FAM78B: variants seen among roughly 807,000 people sequenced by gnomAD.
FAM78B encodes the protein family with sequence similarity 78 member B, also known as protein FAM78B.
FAM78B carries 10 observed loss-of-function variants against 20.0 expected under a neutral mutation model. That is an observed-to-expected ratio of 0.50 (90% CI 0.31 to 0.85). The LOEUF (loss-of-function observed/expected upper bound fraction) is 0.85. Ranked by LOEUF, FAM78B falls within the 40% of genes least tolerant of loss-of-function variation. FAM78B has a pLI of 0.05. For synonymous variants in FAM78B, 135 were observed against 132.8 expected, an observed-to-expected ratio of 1.02 and a Z score of -0.12; for missense variants, 283 against 345.0, an observed-to-expected ratio of 0.82 and a Z score of 1.42.
At position 166,103,982 on chromosome 1, in the gene FAM78B, A is replaced by G. The variant is rs528313911; in HGVS notation, c.264-33219T>C. 7.9e-5 allele frequency among the ~76,000 whole-genome samples: 12 copies of G among 152,282 alleles called. No individual in the cohort carries two copies. In the South Asian group the frequency reaches 1.9e-3, roughly 24 times the overall value. Reference sequence around the variant, plus strand: ...AAATACTGGCAAACCGAATCCAGCAACACATCCAAAAGCTTATCCACCATG... The same window carrying G: ...AAATACTGGCAAACCGAATCCAGCAGCACATCCAAAAGCTTATCCACCATG... On this transcript the variant is annotated intron_variant, in intron 1 of 1. Coordinates refer to ENST00000354422, the MANE Select transcript of FAM78B (RefSeq NM_001017961.5).
intron 1 of FAM78B, among the ~76,000 whole-genome samples, chr1:166,142,207 G>A (rs1428003884): frequency 6.6e-6 from 1 of 152,176 alleles, no homozygotes; most frequent in Non-Finnish European, 1.5e-5. Flanking sequence ...TTGGGGAGTG[G>A]AGGGTTAGAC....
intron 1 of FAM78B, among the ~76,000 whole-genome samples, chr1:166,131,394 G>A (rs1446333378): frequency 6.6e-6 from 1 of 152,134 alleles, no homozygotes; most frequent in Non-Finnish European, 1.5e-5. Flanking sequence ...GCCCATCCCA[G>A]TACACCAGGC....
At chr1:166,078,959 TCTCA>T (rs961142384) in intron 1 of FAM78B, among the ~76,000 whole-genome samples, 10 of 143,032 alleles carry the variant, frequency 7.0e-5, no homozygotes, top group Non-Finnish European at 1.5e-4. Context: ...AGAGATGGGG[TCTCA>T]CTCTGTCACC....
At chr1:166,164,668 A>C (rs990573269) in intron 1 of FAM78B, 1 of 152,222 alleles carries the variant, frequency 6.6e-6, no homozygotes, top group African/African-American at 2.4e-5. Flanking sequence ...AGCGCCTATG[A>C]CTAGTGTTAA....
At chr1:166,057,057 T>C (rs1390588289), downstream of FAM78B, among the ~76,000 whole-genome samples, 1 of 152,172 alleles carries the variant, frequency 6.6e-6, no homozygotes, top group Non-Finnish European at 1.5e-5. Context: ...TGCCAGAGCC[T>C]TGATCGTGGA....
chr1:166,064,355 T>C (rs4376716), downstream of FAM78B, among the ~76,000 whole-genome samples: 152,248 of 152,256 alleles, frequency 1, 76,120 homozygotes, highest in Middle Eastern at 1. Flanking sequence ...TATTTTCCTC[T>C]GAATCTCTTG....
intron 1 of FAM78B, among the ~76,000 whole-genome samples, chr1:166,092,981 G>A (rs1363968795): frequency 6.6e-6 from 1 of 152,016 alleles, no homozygotes; most frequent in Admixed American, 6.5e-5. Context: ...AATCAAACCT[G>A]GGTCTGAGCC....
At chr1:166,129,522 C>T (rs528189327) in intron 1 of FAM78B, among the ~76,000 whole-genome samples, 4 of 152,206 alleles carry the variant, frequency 2.6e-5, no homozygotes, top group Non-Finnish European at 5.9e-5. Context: ...CCTTTTCAGG[C>T]ATGGATGTGG....
chr1:166,101,726 CG>C (rs1653526799), intron 1 of FAM78B, among the ~76,000 whole-genome samples: 1 of 152,044 alleles, frequency 6.6e-6, no homozygotes, highest in South Asian at 2.1e-4. Flanking sequence ...ACCAAATCTA[CG>C]TCTGATTGGT....
chr1:166,120,002 C>T (rs1420234095), intron 1 of FAM78B, among the ~76,000 whole-genome samples: 2 of 152,186 alleles, frequency 1.3e-5, no homozygotes, highest in African/African-American at 4.8e-5. Context: ...TTCCTTGTGC[C>T]TCTGAATTCA....
intron 1 of FAM78B, among the ~76,000 whole-genome samples, chr1:166,163,691 C>A (rs570060442): frequency 1.3e-5 from 2 of 152,316 alleles, no homozygotes; most frequent in East Asian, 3.9e-4. Context: ...TTTACACTAG[C>A]AAAATTTTCC....
At chr1:166,155,572 G>A (rs770617751) in intron 1 of FAM78B, among the ~76,000 whole-genome samples, 5 of 152,152 alleles carry the variant, frequency 3.3e-5, no homozygotes, top group Non-Finnish European at 5.9e-5. Flanking sequence ...CAGGCTCCTT[G>A]GTTCTGAACG....
intron 1 of FAM78B, among the ~76,000 whole-genome samples, chr1:166,080,058 G>C (rs936982705): frequency 1.3e-5 from 2 of 152,160 alleles, no homozygotes; most frequent in Non-Finnish European, 2.9e-5. Flanking sequence ...TTATGCAGTA[G>C]GGAACTTGCT....
intron 1 of FAM78B, among the ~76,000 whole-genome samples, chr1:166,114,437 C>G (rs997037297): frequency 1.3e-5 from 2 of 152,254 alleles, no homozygotes; most frequent in African/African-American, 4.8e-5. Context: ...TTTGGAAAGA[C>G]TGGCATTTAG....
At chr1:166,092,676 G>T (rs761912533) in intron 1 of FAM78B, among the ~76,000 whole-genome samples, 5 of 152,114 alleles carry the variant, frequency 3.3e-5, no homozygotes, top group African/African-American at 9.7e-5. Flanking sequence ...ACCCGAGGGC[G>T]TGGGCTCCCC....
chr1:166,134,351 G>A (rs556873471), intron 1 of FAM78B, among the ~76,000 whole-genome samples: 32 of 152,238 alleles, frequency 2.1e-4, no homozygotes, highest in South Asian at 1.2e-3. Context: ...AAATGAAGCA[G>A]AAGTGCAGTG....
downstream of FAM78B, among the ~76,000 whole-genome samples, chr1:166,057,042 G>A (rs1557882496): frequency 6.6e-6 from 1 of 152,170 alleles, no homozygotes; most frequent in Non-Finnish European, 1.5e-5. Flanking sequence ...CCCAGTCATC[G>A]AATCTGCCAG....
At chr1:166,116,724 T>TCC (rs1353952637) in intron 1 of FAM78B, among the ~76,000 whole-genome samples, 3 of 152,216 alleles carry the variant, frequency 2.0e-5, no homozygotes, top group Non-Finnish European at 4.4e-5. Context: ...TGTCCTACAG[T>TCC]AATCTTACCC....
chr1:166,162,474 C>T (rs919318485), intron 1 of FAM78B, among the ~76,000 whole-genome samples: 1 of 152,238 alleles, frequency 6.6e-6, no homozygotes, highest in African/African-American at 2.4e-5. Context: ...GGGGCTTTAG[C>T]TATTGCTGGT....
Sources: allele counts gnomAD v4.1 joint callset (sites outside exome capture counted in the v4.1 genomes callset), GRCh38; gene constraint gnomAD v4.1.1; transcripts MANE v1.5; gene names NCBI Gene and HGNC (gene_info 2026-07-23, HGNC 2026-07-21).